HLF: variants seen among roughly 807,000 people sequenced by gnomAD.
The protein encoded by HLF is hepatic leukemia factor.
In HLF, 3 loss-of-function variants were observed where a neutral mutation model predicts 22.6. The observed-to-expected ratio is 0.13, with a 90% CI of 0.06 to 0.34. The LOEUF (loss-of-function observed/expected upper bound fraction) is 0.34. Among genes scored for constraint, HLF ranks in the 10% least tolerant of loss-of-function variants. The pLI is 1.00. For missense variants in HLF, 299 were observed against 389.2 expected (o/e 0.77, Z 1.95); for synonymous variants, 151 against 151.8 (o/e 0.99, Z 0.04).
chr17:55,269,173 G>T (rs2080827688), intron 2 of HLF, among the ~76,000 whole-genome samples: 1 of 152,126 alleles, frequency 6.6e-6, no homozygotes, highest in South Asian at 2.1e-4. Flanking sequence ...GGAAGGAAAT[G>T]ATGTAAAGGA....
At chr17:55,277,274 T>TGTGTGTGTGC (rs71361764) in intron 2 of HLF, among the ~76,000 whole-genome samples, 9 of 113,984 alleles carry the variant, frequency 7.9e-5, no homozygotes, top group African/African-American at 2.3e-4. Context: ...TGTGTGTGTG[T>TGTGTGTGTGC]GCGCGCGCAT....
Position 55,313,242 on chromosome 17 carries a change from G to A in HLF, c.452-1985G>A, listed in dbSNP as rs186915817. 7.8e-3 allele frequency among the ~76,000 whole-genome samples: 1,188 copies of A among 152,288 alleles called. 5 individuals carry two copies. The highest frequency in any genetic ancestry group is 0.013 in the Non-Finnish European group (882 of 68,022). On this transcript the variant is annotated intron_variant, in intron 2 of 3. Coordinates refer to ENST00000226067, the MANE Select transcript of HLF (RefSeq NM_002126.5). ...AGCATCTCAGAGGCCATCATTAAAT[G>A]AGGAGCAGTCTTTGTAGAAGCTGAA...
rs754438334 is a variant in HLF, at chr17:55,320,738, A to G, written c.747A>G (p.Lys249=). 2 of 1,614,204 alleles carry G rather than the reference A, an allele frequency of 1.2e-6. No individual in the cohort carries two copies. Among genetic ancestry groups the G allele is most frequent in the Non-Finnish European group, 1.7e-6 (2 of 1,180,024 alleles). ...AKRSRDARRL[K]ENQIAIRASF... Reference sequence around the variant, plus strand: ...GCTCCCGCGACGCCCGGAGGCTGAAAGAGAACCAGATCGCCATCCGGGCCT... The same window carrying G: ...GCTCCCGCGACGCCCGGAGGCTGAAGGAGAACCAGATCGCCATCCGGGCCT... The change falls in exon 4 of 4, where the codon AAA becomes AAG. Residue 249 remains lysine (K), a synonymous_variant. Transcript: ENST00000226067. This position sits in a 1 kb window ranked among gnomAD's most constrained non-coding sequence, Gnocchi z 4.2.
In HLF at chr17:55,323,315, G is replaced by C; in HGVS notation, c.*2436G>C. 4.6e-6 allele frequency: 1 copy of C among 216,558 alleles called. No individual in the cohort carries two copies. The highest frequency in any genetic ancestry group is 9.3e-6 in the Non-Finnish European group (1 of 107,334). 13.4% of individuals were successfully genotyped at this position (216,558 alleles called of 1,614,324 possible). On this transcript the variant is annotated 3_prime_UTR_variant, in exon 4 of 4. Transcript: ENST00000226067. Reference sequence around the variant, plus strand: ...AGGCAAAGAGGCGAATTGTAGAATTGTTAGATGGCAATAGTCATTAAAAAC... The same window carrying C: ...AGGCAAAGAGGCGAATTGTAGAATTCTTAGATGGCAATAGTCATTAAAAAC...
chr17:55,293,630 C>T (rs1178733488), intron 2 of HLF, among the ~76,000 whole-genome samples: 3 of 152,122 alleles, frequency 2.0e-5, no homozygotes, highest in Non-Finnish European at 2.9e-5. Flanking sequence ...TTATTATTGT[C>T]GTTTTACAGA....
chr17:55,313,351 G>GGT lies in HLF; in HGVS notation c.452-1870_452-1869dup, dbSNP rs1248035425. Among the ~76,000 whole-genome samples the GGT allele has an allele frequency of 7.7e-3, 1,025 of 132,786 alleles. 14 individuals are homozygous for GGT. Among genetic ancestry groups the GGT allele is most frequent in the African/African-American group, 0.026 (945 of 36,778 alleles). 87.1% of individuals were successfully genotyped at this position (132,786 alleles called of 152,430 possible). ...GACCATGTGGTATGGTAGAGGAGGA[G>GGT]GTGTGTGCGTGTGTGTGTGTGTGTG... is the stretch of plus-strand genomic sequence containing the variant. On this transcript the variant is annotated intron_variant, in intron 2 of 3. Transcript: ENST00000226067.
At position 55,265,435 on chromosome 17, in the gene HLF, G is replaced by GTGTC. The variant is rs2145285186; in HGVS notation, c.-49_-48insGTCT. On this transcript the variant is annotated 5_prime_UTR_variant, in exon 1 of 4. Transcript: ENST00000226067. ...CTCAGCAACATTTTAGGGGGCGGTT[G>GTGTC]TTTCTTTCTTATTTCTTTTTTTAAG... 28 of 1,062,474 alleles carry GTGTC rather than the reference G, an allele frequency of 2.6e-5. No individual in the cohort carries two copies. Among genetic ancestry groups the GTGTC allele is most frequent in the Non-Finnish European group, 3.8e-5 (27 of 701,648 alleles). The allele number at this position is 1,062,474 out of a possible 1,614,324, so 65.8% of individuals were successfully genotyped here.
In HLF at chr17:55,271,874, C is replaced by T. The variant is rs541206695; in HGVS notation, c.451+3788C>T. 9 of 152,312 alleles carry T rather than the reference C, an allele frequency of 5.9e-5. No homozygotes were observed. The South Asian group carries it at 1.7e-3, about 28-fold the overall frequency. 9.4% of individuals were successfully genotyped at this position (152,312 alleles called of 1,614,324 possible). On this transcript the variant is annotated intron_variant, in intron 2 of 3. Coordinates refer to ENST00000226067, the MANE Select transcript of HLF (RefSeq NM_002126.5). ...ATACTATTTACCATGACTGCCCCAACCCCTTTCTTATCTTGAGCACCCCAT... is the reference window on the plus strand; with the variant it reads ...ATACTATTTACCATGACTGCCCCAATCCCTTTCTTATCTTGAGCACCCCAT...
intron 2 of HLF, among the ~76,000 whole-genome samples, chr17:55,309,496 C>G (rs1904732654): frequency 6.6e-6 from 1 of 152,098 alleles, no homozygotes. Flanking sequence ...AGCACTATTT[C>G]AGATTATGGC....
intron 2 of HLF, chr17:55,273,588 C>T (rs1040617487): frequency 6.6e-6 from 1 of 152,172 alleles, no homozygotes; most frequent in African/African-American, 2.4e-5. Context: ...TTCTGGGTTA[C>T]CAACTCCTGT....
At chr17:55,267,724 T>G in intron 1 of HLF, 27 bp from the exon 2 acceptor site, 1 of 1,453,760 alleles carries the variant, frequency 6.9e-7, no homozygotes, top group Non-Finnish European at 9.3e-7. Flanking sequence ...TCTTTTTTTT[T>G]AAGTCCAGCT....
intron 2 of HLF, among the ~76,000 whole-genome samples, chr17:55,308,705 A>G (rs1413326282): frequency 2.0e-5 from 3 of 152,220 alleles, no homozygotes; most frequent in Non-Finnish European, 4.4e-5. Flanking sequence ...TTGTGGGTGT[A>G]AACACTCTCC....
intron 2 of HLF, among the ~76,000 whole-genome samples, chr17:55,301,513 G>A (rs978418014): frequency 2.6e-5 from 4 of 152,344 alleles, no homozygotes; most frequent in Non-Finnish European, 2.9e-5. Context: ...AGGAGGAATT[G>A]TCGCCAACAT....
intron 2 of HLF, among the ~76,000 whole-genome samples, chr17:55,289,459 A>G (rs1429229890): frequency 6.6e-6 from 1 of 152,144 alleles, no homozygotes; most frequent in Non-Finnish European, 1.5e-5. Flanking sequence ...GCCTCCTCAC[A>G]TTTGCTTCTC....
chr17:55,265,685 C>G (rs1395731826), intron 1 of HLF, 86 bp downstream of exon 1: 1 of 1,126,358 alleles, frequency 8.9e-7, no homozygotes, highest in African/African-American at 1.6e-5. Context: ...TGGAGCATCC[C>G]CCAACCCCGC....
rs754821204 is a variant in HLF at position 55,265,642 on chromosome 17, C to T, written c.115+43C>T. ...CCCGCTCCGGGAAGGGACGACGCTC[C>T]GGGGGTCCCCCTCCGCGGCCGGGCA... On this transcript the variant is annotated intron_variant, in intron 1 of 3. Transcript: ENST00000226067. 5.7e-6 allele frequency: 8 copies of T among 1,391,868 alleles called. 1 individual carries two copies. In the South Asian group the frequency reaches 8.5e-5, roughly 15 times the overall value. The allele number at this position is 1,391,868 out of a possible 1,614,324, so 86.2% of individuals were successfully genotyped here. A position where few individuals can be genotyped will look rare whatever the true frequency, so the allele number is the denominator to read the frequency against.
chr17:55,315,274 G>A lies in HLF; in HGVS notation c.499G>A (p.Asp167Asn). Residue 167 changes from aspartate (D) to asparagine (N), a missense_variant, in exon 3 of 4, where the codon GAC becomes AAC. Transcript: ENST00000226067. The stretch of plus-strand genomic sequence containing the variant: ...CAATACACCAAGTCCCATTGATCCT[G>A]ACACCATCCAGGTCCCAGTGGGTTA... ...NRNTPSPIDP[D>N]TIQVPVGYEP... The A allele has an allele frequency of 1.2e-6, 2 of 1,614,174 alleles. No homozygotes were observed. Among genetic ancestry groups the A allele is most frequent in the African/African-American group, 2.7e-5 (2 of 75,046 alleles).
intron 2 of HLF, among the ~76,000 whole-genome samples, chr17:55,309,759 A>G (rs914641230): frequency 6.6e-6 from 1 of 152,206 alleles, no homozygotes; most frequent in South Asian, 2.1e-4. Flanking sequence ...CTGTGTTTTG[A>G]CGTTACTGCT....
chr17:55,309,978 G>C (rs917120705), intron 2 of HLF, among the ~76,000 whole-genome samples: 1 of 152,232 alleles, frequency 6.6e-6, no homozygotes, highest in African/African-American at 2.4e-5. Context: ...TTGCTAATGA[G>C]CTAATTGAAC....
Sources: allele counts gnomAD v4.1 joint callset (sites outside exome capture counted in the v4.1 genomes callset), GRCh38; gene constraint gnomAD v4.1.1; non-coding constraint Gnocchi (gnomAD v3.1); transcripts MANE v1.5; gene names NCBI Gene and HGNC (gene_info 2026-07-23, HGNC 2026-07-21).